The following ANKRD1 variants were observed in gnomAD, a reference collection of about 807,000 sequenced individuals.
ANKRD1 encodes the protein ankyrin repeat domain-containing protein 1.
In ANKRD1, 32 loss-of-function variants were observed where a neutral mutation model predicts 40.1. The observed-to-expected ratio is 0.80, with a 90% CI of 0.60 to 1.07. The LOEUF (loss-of-function observed/expected upper bound fraction) is 1.07, where lower values mean the gene tolerates loss of function less well. Among genes scored for constraint, ANKRD1 ranks in the 50% least tolerant of loss-of-function variants. The pLI, the probability that ANKRD1 is intolerant of heterozygous loss-of-function variation, is 0.00. For missense variants in ANKRD1, 359 were observed against 386.0 expected (o/e 0.93, Z 0.59); for synonymous variants, 149 against 141.2 (o/e 1.06, Z -0.39).
chr10:90,913,576 G>A (rs1205066016), intron 8 of ANKRD1, among the ~76,000 whole-genome samples: 2 of 152,098 alleles, frequency 1.3e-5, no homozygotes, highest in Non-Finnish European at 2.9e-5. Context: ...TTTTTGAGAC[G>A]AAATTTTGAT....
rs1301819845 is a variant in ANKRD1 at position 90,917,760 on chromosome 10, G to C, written c.524C>G (p.Ala175Gly). The part of the protein sequence containing the change: ...HLAIVEKLME[A>G]GAQIEFRDML... ...ATCACGGAATTCGATCTGGGCTCCA[G>C]CTTCCATTAACTTCTCCACAATTGC... The change falls in exon 5 of 9, where the codon GCT (alanine) becomes GGT (glycine). Residue 175 changes from alanine (A) to glycine (G), a missense_variant. Transcript: ENST00000371697. 2.5e-6 allele frequency: 4 copies of C among 1,613,912 alleles called. No homozygotes were observed. In the African/African-American group the frequency reaches 5.3e-5, roughly 22 times the overall value.
intron 5 of ANKRD1, among the ~76,000 whole-genome samples, chr10:90,917,172 A>C (rs946873827): frequency 6.6e-6 from 1 of 152,222 alleles, no homozygotes. Context: ...TAAATACATA[A>C]AGAATTTTCC....
chr10:90,915,854 C>A lies in ANKRD1; in HGVS notation c.678G>T (p.Ala226=). Residue 226 remains alanine (A), a synonymous_variant, in exon 7 of 9, where the codon GCG becomes GCT. Coordinates refer to ENST00000371697, the MANE Select transcript of ANKRD1 (RefSeq NM_014391.3). ...CGCACTCATAGTGGCCAGTCCTCAC[C>A]GCCACATGCAGCGCTGTGCTGAGCA... The part of the protein sequence containing the change: ...DKLLSTALHV[A]VRTGHYECAE... 1 of 1,613,094 alleles carries A rather than the reference C, an allele frequency of 6.2e-7. No individual in the cohort carries two copies. The highest frequency in any genetic ancestry group is 8.5e-7 in the Non-Finnish European group (1 of 1,179,932).
At chr10:90,916,051 G>A (rs1393171571) in intron 6 of ANKRD1, 120 bp downstream of exon 6, 10 of 575,640 alleles carry the variant, frequency 1.7e-5, no homozygotes, top group East Asian at 3.9e-5. Context: ...GGTGGGGGAG[G>A]AGGGAAGGGC....
chr10:90,915,931 G>C (rs1160743802), intron 6 of ANKRD1, 51 bp from the exon 7 acceptor site: 4 of 1,574,482 alleles, frequency 2.5e-6, no homozygotes, highest in African/African-American at 1.4e-5. Flanking sequence ...GACAGAGGCT[G>C]TCCCAGACCC....
chr10:90,918,987 A>ATATATAG lies in ANKRD1; in HGVS notation c.346-16_346-15insCTATATA, dbSNP rs60923931. 2.1e-5 allele frequency: 4 copies of ATATATAG among 187,470 alleles called. 1 individual carries two copies. The highest frequency in any genetic ancestry group is 1.6e-4 in the African/African-American group (4 of 25,746). 11.6% of individuals were successfully genotyped at this position (187,470 alleles called of 1,614,324 possible). ...ACAGGTTCCGTCTAAAGCCAAAATA[A>ATATATAG]ATAAATATATATATATATATATATA... On this transcript the variant is annotated splice_polypyrimidine_tract_variant and intron_variant, in intron 3 of 8. Coordinates refer to ENST00000371697, the MANE Select transcript of ANKRD1 (RefSeq NM_014391.3).
Position 90,919,205 on chromosome 10 carries a change from T to C in ANKRD1, c.271A>G (p.Ile91Val), listed in dbSNP as rs773244166. ...TATTTTTTCCTTTTCTTCAGTTGAA[T>C]GATTATTTCAAGGTCTTCTAAATTT... ...LENLEDLEII[I>V]QLKKRKKYRK... is the part of the protein sequence containing the mutation. Residue 91 changes from isoleucine to valine, a missense_variant, in exon 3 of 9, where the codon ATT becomes GTT. Physicochemically the swap from Ile to Val is conservative, Grantham distance 29. Coordinates refer to ENST00000371697, the MANE Select transcript of ANKRD1 (RefSeq NM_014391.3). 1 of 1,612,156 alleles carries C rather than the reference T, an allele frequency of 6.2e-7. No individual in the cohort carries two copies. The highest frequency in any genetic ancestry group is 1.7e-5 in the Admixed American group (1 of 59,932).
chr10:90,916,324 A>G, intron 5 of ANKRD1, 55 bp from the exon 6 acceptor site: 1 of 1,351,672 alleles, frequency 7.4e-7, no homozygotes, highest in Non-Finnish European at 1.1e-6. Flanking sequence ...CTGGGGAATT[A>G]GAACCTGGTT....
chr10:90,919,392 T>A (rs984314864), intron 2 of ANKRD1, 124 bp from the exon 3 acceptor site: 4 of 789,968 alleles, frequency 5.1e-6, no homozygotes, highest in East Asian at 2.9e-5. Context: ...AAACATTTTT[T>A]AAAAATTATA....
chr10:90,912,683 A>G lies in ANKRD1; in HGVS notation c.*183T>C, dbSNP rs754896724. 2 of 595,642 alleles carry G rather than the reference A, an allele frequency of 3.4e-6. No individual in the cohort carries two copies. The highest frequency in any genetic ancestry group is 3.8e-5 in the South Asian group (2 of 52,956). The allele number at this position is 595,642 out of a possible 1,614,324, so 36.9% of individuals were successfully genotyped here. ...AATAAACAGGAATACATAAAAATAA[A>G]TAAGAGTTTCACTAAAGGAAATTTA... is the stretch of plus-strand genomic sequence containing the variant. On this transcript the variant is annotated 3_prime_UTR_variant, in exon 9 of 9. Transcript: ENST00000371697.
intron 8 of ANKRD1, among the ~76,000 whole-genome samples, chr10:90,914,280 T>A (rs147611334): frequency 6.6e-6 from 1 of 152,294 alleles, no homozygotes; most frequent in East Asian, 1.9e-4. Context: ...ATCTAACTGA[T>A]AATTCAGAAC....
At position 90,917,750 on chromosome 10, in the gene ANKRD1, C is replaced by A. The variant is rs1415990803; in HGVS notation, c.534G>T (p.Gln178His). Residue 178 changes from glutamine to histidine, a missense_variant, in exon 5 of 9, where the codon CAG (glutamine) becomes CAT (histidine). By Grantham distance (24) the Gln-to-His change is conservative. Coordinates refer to ENST00000371697, the MANE Select transcript of ANKRD1 (RefSeq NM_014391.3). ...IVEKLMEAGA[Q>H]IEFRDMLEST... ...TATTTACCATATCACGGAATTCGAT[C>A]TGGGCTCCAGCTTCCATTAACTTCT... 6.2e-7 allele frequency: 1 copy of A among 1,613,832 alleles called. No homozygotes were observed. The highest frequency in any genetic ancestry group is 1.3e-5 in the African/African-American group (1 of 74,930).
In ANKRD1 at chr10:90,921,023, A is replaced by G. The variant is rs768122383; in HGVS notation, c.5T>C (p.Met2Thr). 9.3e-6 allele frequency: 15 copies of G among 1,614,022 alleles called. No homozygotes were observed. The South Asian group carries it at 1.4e-4, about 15-fold the overall frequency. The stretch of plus-strand genomic sequence containing the variant: ...TACCAGTTCCTCTACTTTCAGTACC[A>G]TCATGTTGGCTGAAGGAGTCTTGTA... M[M>T]VLKVEELVTG... The change falls in exon 1 of 9, where the codon ATG (methionine) becomes ACG (threonine). Residue 2 changes from methionine (M) to threonine (T), a missense_variant. By Grantham distance (81) the Met-to-Thr change is moderately conservative (BLOSUM62 -1). Transcript: ENST00000371697.
At chr10:90,918,116 T>G (rs986219304) in intron 4 of ANKRD1, among the ~76,000 whole-genome samples, 8 of 152,214 alleles carry the variant, frequency 5.3e-5, no homozygotes, top group African/African-American at 1.9e-4. Context: ...CATCTCCGTT[T>G]CTTCTATCTT....
At chr10:90,919,382 A>T (rs1281076747) in intron 2 of ANKRD1, 114 bp from the exon 3 acceptor site, 2 of 899,530 alleles carry the variant, frequency 2.2e-6, no homozygotes, top group Non-Finnish European at 3.3e-6. Flanking sequence ...GTTTGAGCAA[A>T]AACATTTTTT....
chr10:90,920,993 T>G lies in ANKRD1; in HGVS notation c.27+8A>C. The stretch of plus-strand genomic sequence containing the variant: ...TTTCATTTTATAAAATTAATGCATC[T>G]TACATACCAGTTCCTCTACTTTCAG... On this transcript the variant is annotated splice_region_variant and intron_variant, in intron 1 of 8. Transcript: ENST00000371697. 6.2e-7 allele frequency: 1 copy of G among 1,613,434 alleles called. No homozygotes were observed. The highest frequency in any genetic ancestry group is 1.1e-5 in the South Asian group (1 of 91,072).
intron 3 of ANKRD1, 59 bp from the exon 4 acceptor site, chr10:90,919,031 G>T: frequency 1.3e-6 from 2 of 1,530,980 alleles, no homozygotes; most frequent in South Asian, 1.2e-5. Context: ...GAGAGTTACC[G>T]TGAGCTTGCC....
At chr10:90,913,120 A>G (rs1462621827) in intron 8 of ANKRD1, 144 bp from the exon 9 acceptor site, 2 of 810,530 alleles carry the variant, frequency 2.5e-6, no homozygotes, top group Admixed American at 2.0e-5. Flanking sequence ...TCTGCAGTTT[A>G]TACTCAAACC....
rs28730751 is a variant in ANKRD1 at position 90,920,228 on chromosome 10, C to G, written c.148G>C (p.Ala50Pro). ...TGCTCCCCCAGGGTCACAGGGTGGG[C>G]TAGAAGTGTCTTCAGATCCTCCTGC... ...EKQEDLKTLL[A>P]HPVTLGEQQW... The change falls in exon 2 of 9, where the codon GCC (alanine) becomes CCC (proline). Residue 50 changes from alanine to proline, a missense_variant. By Grantham distance (27) the Ala-to-Pro change is conservative (BLOSUM62 -1). Coordinates refer to ENST00000371697, the MANE Select transcript of ANKRD1 (RefSeq NM_014391.3). The G allele has an allele frequency of 6.6e-4, 1,059 of 1,614,092 alleles. 9 individuals are homozygous for G. The African/African-American group carries it at 0.012, about 19-fold the overall frequency.
Sources: gnomAD v4.1 joint callset for allele counts (sites outside exome capture counted in the v4.1 genomes callset) on GRCh38, gnomAD v4.1.1 for gene constraint, MANE v1.5 for transcripts, NCBI Gene and HGNC (gene_info 2026-07-23, HGNC 2026-07-21) for gene names.